The following SERPINB11 variants were observed in gnomAD, a reference collection of about 807,000 sequenced individuals.
SERPINB11 encodes the protein serpin B11.
Under a neutral mutation model 36.7 loss-of-function variants are expected in SERPINB11, and 32 were observed. The ratio of observed to expected loss-of-function variants is 0.87; its 90% confidence interval spans 0.66 to 1.17. The LOEUF (loss-of-function observed/expected upper bound fraction) is 1.17. SERPINB11 is among the 50% of genes most tolerant of loss of function. The pLI is 0.00. For missense variants in SERPINB11, 528 were observed against 458.4 expected, an observed-to-expected ratio of 1.15 and a Z score of -1.39; for synonymous variants, 174 against 168.1, an observed-to-expected ratio of 1.04 and a Z score of -0.27.
At chr18:63,710,456 A>T in intron 2 of SERPINB11, 95 bp downstream of exon 2, 1 of 1,020,420 alleles carries the variant, frequency 9.8e-7, no homozygotes, top group South Asian at 2.1e-5. Context: ...TACCAATAAA[A>T]TTGCCATCTT....
At chr18:63,719,563 A>G (rs1914751132) in intron 5 of SERPINB11, among the ~76,000 whole-genome samples, 1 of 152,122 alleles carries the variant, frequency 6.6e-6, no homozygotes, top group Non-Finnish European at 1.5e-5. Context: ...GTGCTTTAGT[A>G]TATATATTTG....
intron 5 of SERPINB11, 39 bp downstream of exon 5, chr18:63,716,191 G>A (rs776710853): frequency 2.3e-6 from 3 of 1,322,844 alleles, no homozygotes; most frequent in African/African-American, 2.9e-5. Context: ...ACTCTGTGTT[G>A]TGTTGATAAG....
At chr18:63,721,122 G>T in intron 7 of SERPINB11, 136 bp downstream of exon 7, 1 of 873,324 alleles carries the variant, frequency 1.1e-6, no homozygotes, top group South Asian at 1.8e-5. Context: ...GATTGTCCCG[G>T]GGGTGTGAAA....
intron 4 of SERPINB11, among the ~76,000 whole-genome samples, chr18:63,714,087 ATG>A (rs1914600803): frequency 6.6e-6 from 1 of 152,068 alleles, no homozygotes; most frequent in Non-Finnish European, 1.5e-5. Context: ...TGTTTTCCCT[ATG>A]TGTCGGCTGG....
intron 1 of SERPINB11, among the ~76,000 whole-genome samples, chr18:63,704,030 G>A (rs1914307958): frequency 6.6e-6 from 1 of 152,098 alleles, no homozygotes; most frequent in African/African-American, 2.4e-5. Context: ...CTGTTTTGGG[G>A]GTCCATATGC....
chr18:63,718,231 C>T (rs1019214636), intron 5 of SERPINB11, among the ~76,000 whole-genome samples: 1 of 151,892 alleles, frequency 6.6e-6, no homozygotes, highest in African/African-American at 2.4e-5. Context: ...AGTGTAATCC[C>T]TCCAATGTTG....
Position 63,723,136 on chromosome 18 carries a change from G to C in SERPINB11, c.916G>C (p.Val306Leu). 6.2e-7 allele frequency: 1 copy of C among 1,610,492 alleles called. No individual in the cohort carries two copies. Among genetic ancestry groups the C allele is most frequent in the Non-Finnish European group, 8.5e-7 (1 of 1,178,012 alleles). Residue 306 changes from valine (V) to leucine (L), a missense_variant, in exon 8 of 8, where the codon GTG (valine) becomes CTG (leucine). Coordinates refer to ENST00000544088, the MANE Select transcript of SERPINB11 (RefSeq NM_001370475.1). ...ELNSLLKSLG[V>L]TDLFNQVKAD... is the part of the protein sequence containing the mutation. ...AAATTCCCTGTTAAAATCTCTAGGG[G>C]TGACAGATCTCTTCAACCAGGTCAA... is the stretch of plus-strand genomic sequence containing the variant.
chr18:63,715,334 TG>T (rs1914640495), intron 4 of SERPINB11, among the ~76,000 whole-genome samples: 1 of 152,004 alleles, frequency 6.6e-6, no homozygotes, highest in Non-Finnish European at 1.5e-5. Context: ...GGGCCATGGG[TG>T]GTCATAAATT....
chr18:63,706,266 T>G (rs1281747348), intron 1 of SERPINB11, among the ~76,000 whole-genome samples: 2 of 152,230 alleles, frequency 1.3e-5, no homozygotes, highest in African/African-American at 4.8e-5. Context: ...AGTCCACAAG[T>G]GACATATATT....
At chr18:63,710,515 A>G (rs1218192039) in intron 2 of SERPINB11, among the ~76,000 whole-genome samples, 154 bp downstream of exon 2, 1 of 152,248 alleles carries the variant, frequency 6.6e-6, no homozygotes, top group Non-Finnish European at 1.5e-5. Context: ...AAAATTGATA[A>G]TGGTTTGATT....
intron 5 of SERPINB11, among the ~76,000 whole-genome samples, chr18:63,718,387 T>A (rs1019204780): frequency 3.4e-4 from 51 of 152,012 alleles, no homozygotes; most frequent in African/African-American, 1.1e-3. Flanking sequence ...AGAAAATACA[T>A]CTTTATTCAA....
rs1914787168 is a variant in SERPINB11 at position 63,720,708 on chromosome 18, A to T, written c.619-123A>T. The T allele has an allele frequency of 4.5e-6, 3 of 662,202 alleles. 1 individual carries two copies. The South Asian group carries it at 6.3e-5, about 14-fold the overall frequency. The allele number at this position is 662,202 out of a possible 1,614,324, so 41.0% of individuals were successfully genotyped here. A position where few individuals can be genotyped will look rare whatever the true frequency, so the allele number is the denominator to read the frequency against. On this transcript the variant is annotated intron_variant, in intron 6 of 7. Coordinates refer to ENST00000544088, the MANE Select transcript of SERPINB11 (RefSeq NM_001370475.1). ...GGAAGTAATAAGGAATCTACTTTGTAGTTTCTATTTTACCCATGCCTTTAG... is the reference window on the plus strand; with the variant it reads ...GGAAGTAATAAGGAATCTACTTTGTTGTTTCTATTTTACCCATGCCTTTAG...
intron 5 of SERPINB11, among the ~76,000 whole-genome samples, chr18:63,719,100 C>G (rs1256031476): frequency 6.6e-6 from 1 of 152,068 alleles, no homozygotes; most frequent in Admixed American, 6.6e-5. Flanking sequence ...GTGCCTAGAA[C>G]AGTGCCCAGC....
intron 5 of SERPINB11, among the ~76,000 whole-genome samples, chr18:63,717,564 G>A (rs1325392178): frequency 6.6e-6 from 1 of 152,036 alleles, no homozygotes; most frequent in Non-Finnish European, 1.5e-5. Context: ...TTTAGCCACT[G>A]TAGTTATTTT....
intron 1 of SERPINB11, among the ~76,000 whole-genome samples, chr18:63,708,519 G>A (rs985377845): frequency 2.6e-5 from 4 of 152,114 alleles, no homozygotes; most frequent in African/African-American, 7.2e-5. Flanking sequence ...AAGTACTTAA[G>A]GATGATCACA....
rs376859091 is a variant in SERPINB11 at position 63,712,712 on chromosome 18, G to C, written c.357+19G>C. ...TCATCAGGTAAGTCCATTTGGAAGA[G>C]TGATCAACAACTTTCTTGGCGTCCT... On this transcript the variant is annotated intron_variant, in intron 4 of 7. Coordinates refer to ENST00000544088, the MANE Select transcript of SERPINB11 (RefSeq NM_001370475.1). 2 of 1,606,178 alleles carry C rather than the reference G, an allele frequency of 1.2e-6. No individual in the cohort carries two copies. Among genetic ancestry groups the C allele is most frequent in the African/African-American group, 2.7e-5 (2 of 74,730 alleles).
At position 63,712,647 on chromosome 18, in the gene SERPINB11, G is replaced by A; in HGVS notation, c.311G>A (p.Ser104Asn). The A allele has an allele frequency of 6.2e-7, 1 of 1,613,796 alleles. No homozygotes were observed. The highest frequency in any genetic ancestry group is 8.5e-7 in the Non-Finnish European group (1 of 1,179,738). Residue 104 changes from serine to asparagine, a missense_variant, in exon 4 of 8, where the codon AGC (serine) becomes AAC (asparagine). Coordinates refer to ENST00000544088, the MANE Select transcript of SERPINB11 (RefSeq NM_001370475.1). ...INQPDSNCTL[S>N]IANRLYGTKT... ...CAGCCAGACTCTAACTGTACCCTCA[G>A]CATTGCCAACAGGCTCTACGGGACA...
intron 7 of SERPINB11, among the ~76,000 whole-genome samples, chr18:63,722,481 G>T (rs996108369): frequency 5.3e-5 from 8 of 152,166 alleles, no homozygotes; most frequent in African/African-American, 1.9e-4. Flanking sequence ...GCTGGGCAGA[G>T]GCACAGGTGG....
chr18:63,707,425 G>A (rs2144530506), intron 1 of SERPINB11, among the ~76,000 whole-genome samples: 1 of 152,260 alleles, frequency 6.6e-6, no homozygotes, highest in South Asian at 2.1e-4. Context: ...GGCTTCTAAG[G>A]CCACAGTCCT....
Sources: allele counts gnomAD v4.1 joint callset (sites outside exome capture counted in the v4.1 genomes callset), GRCh38; gene constraint gnomAD v4.1.1; transcripts MANE v1.5; gene names NCBI Gene and HGNC (gene_info 2026-07-23, HGNC 2026-07-21).